Variants in TAF8 observed in about 807,000 individuals in gnomAD.
TAF8 encodes the protein TATA-box binding protein associated factor 8.
A neutral mutation model predicts 36.5 loss-of-function variants in TAF8; 47 were observed. That is an observed-to-expected ratio of 1.29 (90% CI 1.02 to 1.64). The LOEUF is 1.64. Among genes scored for constraint, TAF8 ranks in the 40% most tolerant of loss-of-function variants. TAF8 has a pLI of 0.00. For synonymous variants in TAF8, 175 were observed against 159.5 expected, an observed-to-expected ratio of 1.10 and a Z score of -0.73; for missense variants, 420 against 407.6, an observed-to-expected ratio of 1.03 and a Z score of -0.26.
At chr6:42,059,497 C>A (rs935915877) in intron 5 of TAF8, among the ~76,000 whole-genome samples, 4 of 151,954 alleles carry the variant, frequency 2.6e-5, no homozygotes, top group African/African-American at 9.7e-5. Flanking sequence ...CTGGGTGGTG[C>A]CAGCTGATCC....
At chr6:42,073,818 G>A (rs924376594) in intron 7 of TAF8, among the ~76,000 whole-genome samples, 1 of 152,146 alleles carries the variant, frequency 6.6e-6, no homozygotes, top group African/African-American at 2.4e-5. Flanking sequence ...CTGATGGCTC[G>A]GTAAGAACGG....
At chr6:42,053,042 C>T (rs578169120) in intron 2 of TAF8, among the ~76,000 whole-genome samples, 71 of 152,298 alleles carry the variant, frequency 4.7e-4, no homozygotes, top group African/African-American at 1.7e-3. Context: ...AAGCAGTGAT[C>T]TCAATCATTG....
Position 42,077,628 on chromosome 6 carries a change from G to A in TAF8, c.*83G>A. On this transcript the variant is annotated 3_prime_UTR_variant, in exon 9 of 9. Coordinates refer to ENST00000372977, the MANE Select transcript of TAF8 (RefSeq NM_138572.3). ...AAGCCACTCAAGGGAAGAAGAGGGT[G>A]ACCTCCTCATGGCCAAGCCGAGGCT... is the stretch of plus-strand genomic sequence containing the variant. The A allele has an allele frequency of 6.3e-7, 1 of 1,578,198 alleles. No individual in the cohort carries two copies. The highest frequency in any genetic ancestry group is 8.6e-7 in the Non-Finnish European group (1 of 1,161,748).
At chr6:42,064,096 C>T (rs1428508428) in intron 5 of TAF8, among the ~76,000 whole-genome samples, 2 of 152,080 alleles carry the variant, frequency 1.3e-5, no homozygotes, top group Non-Finnish European at 2.9e-5. Flanking sequence ...CTCATTTACT[C>T]ATTATCCAAA....
intron 7 of TAF8, among the ~76,000 whole-genome samples, chr6:42,075,902 T>C (rs1157541357): frequency 7.2e-5 from 11 of 152,142 alleles, no homozygotes; most frequent in Admixed American, 7.2e-4. Flanking sequence ...AAAAACACAT[T>C]TTTCTCAAAA....
chr6:42,086,868 G>A, downstream of TAF8: 1 of 1,016,420 alleles, frequency 9.8e-7, no homozygotes, highest in Non-Finnish European at 1.5e-6. Context: ...GCCCTTGCTG[G>A]TGCAGATGCT....
chr6:42,080,171 T>G lies in TAF8; in HGVS notation c.*2626T>G. On this transcript the variant is annotated 3_prime_UTR_variant, in exon 9 of 9. Transcript: ENST00000372977. Reference sequence around the variant, plus strand: ...TAAGTTTATGAACACAGCCCCACATTCAAGCCGTGGCCAATCCCAGCTGTT... The same window carrying G: ...TAAGTTTATGAACACAGCCCCACATGCAAGCCGTGGCCAATCCCAGCTGTT... 3 of 985,356 alleles carry G rather than the reference T, an allele frequency of 3.0e-6. No homozygotes were observed. The highest frequency in any genetic ancestry group is 3.6e-6 in the Non-Finnish European group (3 of 829,944). 61.0% of individuals were successfully genotyped at this position (985,356 alleles called of 1,614,324 possible).
In TAF8 at chr6:42,081,048, T is replaced by C. The variant is rs962498831; in HGVS notation, c.*3503T>C. Reference sequence around the variant, plus strand: ...TTTTGGAAATTTTCAAATACAAAATTAGAGAGCAAAATATATGAACCCCTG... The same window carrying C: ...TTTTGGAAATTTTCAAATACAAAATCAGAGAGCAAAATATATGAACCCCTG... On this transcript the variant is annotated 3_prime_UTR_variant, in exon 9 of 9. Coordinates refer to ENST00000372977, the MANE Select transcript of TAF8 (RefSeq NM_138572.3). 3.4e-5 allele frequency: 29 copies of C among 849,912 alleles called. No homozygotes were observed. Among genetic ancestry groups the C allele is most frequent in the African/African-American group, 7.4e-5 (4 of 54,178 alleles). 52.6% of individuals were successfully genotyped at this position (849,912 alleles called of 1,614,324 possible).
At position 42,055,991 on chromosome 6, in the gene TAF8, C is replaced by G; in HGVS notation, c.341C>G (p.Ser114Cys). 3 of 1,613,466 alleles carry G rather than the reference C, an allele frequency of 1.9e-6. No homozygotes were observed. ...ACTCTCCCTGCTTATGCAAAACGGT[C>G]TCAGAGGATGGTCATCACTGCTCGT... ...VDTLPAYAKRSQRMVITAPPV... is the reference protein window; with the variant it reads ...VDTLPAYAKRCQRMVITAPPV... The change falls in exon 4 of 9, where the codon TCT becomes TGT. Residue 114 changes from serine to cysteine, a missense_variant. By Grantham distance (112) the Ser-to-Cys change is moderately radical. Transcript: ENST00000372977.
chr6:42,086,842 C>A, downstream of TAF8: 5 of 1,232,122 alleles, frequency 4.1e-6, no homozygotes, highest in South Asian at 5.1e-5. Context: ...CAAACCCAGG[C>A]TCTGTGCTCC....
chr6:42,086,719 G>A (rs1047246847), downstream of TAF8: 3 of 1,551,020 alleles, frequency 1.9e-6, no homozygotes, highest in East Asian at 4.9e-5. Flanking sequence ...CGTTCCTCAG[G>A]CCAGATACAT....
intron 7 of TAF8, among the ~76,000 whole-genome samples, chr6:42,069,118 A>G (rs1765475116): frequency 6.6e-6 from 1 of 152,172 alleles, no homozygotes; most frequent in Admixed American, 6.5e-5. Flanking sequence ...CAGGGTGGCC[A>G]GAGTGGAGTG....
intron 5 of TAF8, among the ~76,000 whole-genome samples, chr6:42,058,329 G>A (rs897731328): frequency 3.3e-5 from 5 of 152,162 alleles, no homozygotes; most frequent in African/African-American, 1.2e-4. Flanking sequence ...GCAGTGAGCT[G>A]AGATTGCGCC....
chr6:42,057,359 G>T (rs753740075), intron 4 of TAF8, 30 bp from the exon 5 acceptor site: 1 of 1,613,810 alleles, frequency 6.2e-7, no homozygotes. Context: ...GTCTTGGGTG[G>T]AGGGGTAATC....
rs1765949125 is a variant in TAF8 at position 42,082,338 on chromosome 6, CT to C, written c.*4799del. On this transcript the variant is annotated 3_prime_UTR_variant, in exon 9 of 9. Transcript: ENST00000372977. The stretch of plus-strand genomic sequence containing the variant: ...ATAAATTGAATCATAAAGTATGTGA[CT>C]TTTTTCTTTTTGAGACAGAGTCTTG... The C allele has an allele frequency of 6.6e-6, 1 of 152,166 alleles. No homozygotes were observed. Among genetic ancestry groups the C allele is most frequent in the African/African-American group, 2.4e-5 (1 of 41,454 alleles). The allele number at this position is 152,166 out of a possible 1,614,324, so 9.4% of individuals were successfully genotyped here.
intron 5 of TAF8, chr6:42,063,391 G>A (rs1057329765): frequency 6.6e-6 from 1 of 151,744 alleles, no homozygotes; most frequent in Non-Finnish European, 1.5e-5. Flanking sequence ...TCAAACTCCT[G>A]GGCGCAAGCA....
intron 5 of TAF8, among the ~76,000 whole-genome samples, chr6:42,064,220 A>G (rs2127456535): frequency 6.6e-6 from 1 of 152,134 alleles, no homozygotes; most frequent in Non-Finnish European, 1.5e-5. Flanking sequence ...CAATATGTTC[A>G]AAATCCACTC....
downstream of TAF8, among the ~76,000 whole-genome samples, chr6:42,084,235 C>T (rs1021785333): frequency 6.7e-6 from 1 of 148,900 alleles, no homozygotes; most frequent in Admixed American, 6.7e-5. Context: ...GCCTGGTAGA[C>T]GAGTTTCCAT....
chr6:42,057,419 A>T lies in TAF8; in HGVS notation c.395A>T (p.Lys132Met). 1 of 1,614,080 alleles carries T rather than the reference A, an allele frequency of 6.2e-7. No homozygotes were observed. The highest frequency in any genetic ancestry group is 8.5e-7 in the Non-Finnish European group (1 of 1,180,018). Residue 132 changes from lysine (K) to methionine (M), a missense_variant, in exon 5 of 9, where the codon AAG becomes ATG. Physicochemically the swap from Lys to Met is moderately conservative, Grantham distance 95. Coordinates refer to ENST00000372977, the MANE Select transcript of TAF8 (RefSeq NM_138572.3). ...GTGACCAATCAGCCAGTGACCCCCA[A>T]GGCCCTCACTGCAGGGCAGAACCGA... ...PPVTNQPVTPKALTAGQNRPH... is the reference protein window; with the variant it reads ...PPVTNQPVTPMALTAGQNRPH...
Sources: allele counts gnomAD v4.1 joint callset (sites outside exome capture counted in the v4.1 genomes callset), GRCh38; gene constraint gnomAD v4.1.1; transcripts MANE v1.5; gene names NCBI Gene and HGNC (gene_info 2026-07-23, HGNC 2026-07-21).